DTNA: variants seen among roughly 807,000 people sequenced by gnomAD.
DTNA encodes the protein dystrobrevin alpha.
A neutral mutation model predicts 100.7 loss-of-function variants in DTNA; 43 were observed. The observed-to-expected ratio is 0.43, with a 90% confidence interval of 0.33 to 0.55. DTNA has a LOEUF of 0.55. Among genes scored for constraint, DTNA ranks in the 20% least tolerant of loss-of-function variants. The pLI is 0.04. For missense variants in DTNA, 798 were observed against 953.9 expected, an observed-to-expected ratio of 0.84 and a Z score of 2.15; for synonymous variants, 349 against 347.9, an observed-to-expected ratio of 1.00 and a Z score of -0.04.
chr18:34,640,592 C>A (rs538776085), intron 1 of DTNA, among the ~76,000 whole-genome samples: 2 of 152,314 alleles, frequency 1.3e-5, no homozygotes, highest in African/African-American at 4.8e-5. Context: ...TAATTCAGAC[C>A]ACATGCTAGG....
At chr18:34,802,251 A>G (rs920210092) in intron 4 of DTNA, among the ~76,000 whole-genome samples, 1 of 152,246 alleles carries the variant, frequency 6.6e-6, no homozygotes, top group African/African-American at 2.4e-5. Context: ...CCTGGGTTGC[A>G]GCTGACAGCC....
chr18:34,628,675 A>G (rs73412499), intron 1 of DTNA, among the ~76,000 whole-genome samples: 115 of 152,316 alleles, frequency 7.6e-4, no homozygotes, highest in African/African-American at 2.1e-3. Context: ...TCAAGTTTCA[A>G]TGTTTCTAAA....
intron 3 of DTNA, 66 bp from the exon 4 acceptor site, chr18:34,793,971 C>T (rs2094861412): frequency 6.6e-7 from 1 of 1,526,580 alleles, no homozygotes. Context: ...GACAGAGGGT[C>T]ATGTAAACTG....
intron 15 of DTNA, among the ~76,000 whole-genome samples, chr18:34,856,789 G>A (rs1013913313): frequency 2.0e-5 from 3 of 152,242 alleles, no homozygotes; most frequent in African/African-American, 7.2e-5. Flanking sequence ...CCCAGGTACA[G>A]ACTGACTACT....
chr18:34,843,858 G>A (rs1388346260), intron 13 of DTNA, among the ~76,000 whole-genome samples: 1 of 151,952 alleles, frequency 6.6e-6, no homozygotes. Flanking sequence ...ACATTTTGTT[G>A]ATTTTGAAAA....
intron 1 of DTNA, among the ~76,000 whole-genome samples, chr18:34,587,188 C>G (rs12961031): frequency 0.1 from 15,260 of 151,244 alleles, 1,111 homozygotes; most frequent in African/African-American, 0.2. Flanking sequence ...CTATATTGCA[C>G]TGGCTAAAAA....
chr18:34,812,084 C>T lies in DTNA; in HGVS notation c.574C>T (p.Gln192Ter), dbSNP rs2149332392. The T allele has an allele frequency of 6.2e-7, 1 of 1,614,040 alleles. No homozygotes were observed. Among genetic ancestry groups the T allele is most frequent in the Non-Finnish European group, 8.5e-7 (1 of 1,179,926 alleles). The change falls in exon 6 of 23, where the codon CAG becomes TAG. Residue 192 changes from glutamine (Q) to a stop codon, truncating the protein, a stop_gained. Transcript: ENST00000444659. LOFTEE classifies it high-confidence loss of function. ...FEGPSFGYTE[Q>*]SARSCFSQQK... ...AGGTCCTTCATTTGGTTACACAGAA[C>T]AGTCAGCCAGATCCTGTTTCTCCCA...
At chr18:34,597,051 G>A (rs2050773028) in intron 1 of DTNA, among the ~76,000 whole-genome samples, 1 of 151,920 alleles carries the variant, frequency 6.6e-6, no homozygotes, top group African/African-American at 2.4e-5. Flanking sequence ...CCCTCCCTGT[G>A]CCCATATATT....
chr18:34,851,751 C>T (rs565380914), intron 14 of DTNA, 80 bp from the exon 15 acceptor site: 9 of 1,384,212 alleles, frequency 6.5e-6, no homozygotes, highest in Non-Finnish European at 9.2e-6. Flanking sequence ...TCCTTGTCTG[C>T]ATATCTCATG....
chr18:34,546,763 CTTTTTTTT>C (rs775681576), intron 1 of DTNA, among the ~76,000 whole-genome samples: 85 of 148,556 alleles, frequency 5.7e-4, no homozygotes, highest in African/African-American at 2.0e-3. Context: ...TTCTTTCTTT[CTTTTTTTT>C]TTATCTCAGC....
chr18:34,810,938 C>CA (rs1441858839), intron 5 of DTNA, among the ~76,000 whole-genome samples: 1 of 152,220 alleles, frequency 6.6e-6, no homozygotes, highest in Non-Finnish European at 1.5e-5. Context: ...TTCATGTTCT[C>CA]AAAACCATAA....
chr18:34,841,925 T>C (rs943292018), intron 13 of DTNA, among the ~76,000 whole-genome samples: 2 of 152,198 alleles, frequency 1.3e-5, no homozygotes, highest in African/African-American at 2.4e-5. Context: ...GAAACACTTA[T>C]GTCATTGCTG....
At chr18:34,543,189 GTGT>G (rs2044423755) in intron 1 of DTNA, among the ~76,000 whole-genome samples, 1 of 151,894 alleles carries the variant, frequency 6.6e-6, no homozygotes, top group Non-Finnish European at 1.5e-5. Flanking sequence ...CTTTGCTGCG[GTGT>G]TGTCAGTCAT....
At chr18:34,514,716 C>T (rs577262229) in intron 1 of DTNA, among the ~76,000 whole-genome samples, 7 of 152,152 alleles carry the variant, frequency 4.6e-5, no homozygotes, top group East Asian at 1.9e-4. Context: ...TTTACTGGCT[C>T]ATATATGGCA....
intron 1 of DTNA, among the ~76,000 whole-genome samples, chr18:34,569,420 G>A (rs2047374197): frequency 6.6e-6 from 1 of 152,046 alleles, no homozygotes; most frequent in South Asian, 2.1e-4. Flanking sequence ...GAACTTTTGA[G>A]GTAAATGGAA....
rs1163709650 is a variant in DTNA, at chr18:34,756,473, G to GTTTATGCAA, written c.67+430_67+431insTTTATGCAA. ...TTATTGACTTTCTTCCCTGCAAAGT[G>GTTTATGCAA]ATATCATATGTTTATGTGGAAAGGA... is the stretch of plus-strand genomic sequence containing the variant. On this transcript the variant is annotated intron_variant, in intron 2 of 22. Transcript: ENST00000444659. Among the ~76,000 whole-genome samples, 3 of 152,146 alleles carry GTTTATGCAA rather than the reference G, an allele frequency of 2.0e-5. No homozygotes were observed. In the East Asian group the frequency reaches 5.8e-4, roughly 29 times the overall value.
At chr18:34,882,644 A>G (rs937771591) in intron 21 of DTNA, among the ~76,000 whole-genome samples, 1 of 152,146 alleles carries the variant, frequency 6.6e-6, no homozygotes, top group Non-Finnish European at 1.5e-5. Context: ...CTAGGATTAC[A>G]GGCGTGAGCC....
intron 1 of DTNA, among the ~76,000 whole-genome samples, chr18:34,730,422 C>T (rs1165229216): frequency 6.6e-6 from 1 of 152,212 alleles, no homozygotes; most frequent in African/African-American, 2.4e-5. Context: ...AGCCTGTTCT[C>T]TGGTTAGTCT....
chr18:34,748,952 A>C (rs1453551329), intron 1 of DTNA, among the ~76,000 whole-genome samples: 1 of 151,948 alleles, frequency 6.6e-6, no homozygotes, highest in Non-Finnish European at 1.5e-5. Context: ...GTGTGTTTCT[A>C]TTTGTTTGTG....
Sources: gnomAD v4.1 joint callset for allele counts (sites outside exome capture counted in the v4.1 genomes callset) on GRCh38, gnomAD v4.1.1 for gene constraint, MANE v1.5 for transcripts, NCBI Gene and HGNC (gene_info 2026-07-23, HGNC 2026-07-21) for gene names.